The following PDE4A variants were observed in gnomAD, a reference collection of about 807,000 sequenced individuals.
The protein encoded by PDE4A is phosphodiesterase 4A.
Under a neutral mutation model 73.9 loss-of-function variants are expected in PDE4A, and 21 were observed. The observed-to-expected ratio is 0.28, with a 90% CI of 0.20 to 0.41. PDE4A has a LOEUF of 0.41. Among genes scored for constraint, PDE4A ranks in the 10% least tolerant of loss-of-function variants. The probability of loss-of-function intolerance (pLI) is 1.00; values close to 1 mark genes in which losing one functional copy is unlikely to be tolerated. For missense variants in PDE4A, 958 were observed against 1,211.4 expected (o/e 0.79, Z 3.10); for synonymous variants, 463 against 505.4 (o/e 0.92, Z 1.13).
At position 10,457,942 on chromosome 19, in the gene PDE4A, C is replaced by G. The variant is rs779771039; in HGVS notation, c.941C>G (p.Pro314Arg). The G allele has an allele frequency of 1.2e-6, 2 of 1,613,344 alleles. No homozygotes were observed. Among genetic ancestry groups the G allele is most frequent in the Admixed American group, 3.3e-5 (2 of 60,024 alleles). ...TMKEREKQQA[P>R]RPRPSQPPPP... ...AAGGAACGAGAAAAACAGCAAGCGCCGCGACCAAGACCCTCCCAGCCGCCC... is the reference window on the plus strand; with the variant it reads ...AAGGAACGAGAAAAACAGCAAGCGCGGCGACCAAGACCCTCCCAGCCGCCC... Residue 314 changes from proline (P) to arginine (R), a missense_variant, in exon 8 of 15, where the codon CCG (proline) becomes CGG (arginine). This residue lies in a region of PDE4A where 570 missense variants were observed against 827.7 expected (regional missense o/e 0.69). Transcript: ENST00000380702.
intron 1 of PDE4A, among the ~76,000 whole-genome samples, chr19:10,426,704 C>T (rs1164213325): frequency 2.0e-5 from 3 of 151,696 alleles, no homozygotes; most frequent in African/African-American, 7.3e-5. Flanking sequence ...AAAACCCTGT[C>T]TCTACTAAAA....
rs1388374900 is a variant in PDE4A at position 10,424,965 on chromosome 19, T to A, written c.320+3881T>A. 6.6e-6 allele frequency among the ~76,000 whole-genome samples: 1 copy of A among 152,140 alleles called. No individual in the cohort carries two copies. The highest frequency in any genetic ancestry group is 1.5e-5 in the Non-Finnish European group (1 of 68,008). On this transcript the variant is annotated intron_variant, in intron 1 of 14. Transcript: ENST00000380702. This position sits in a 1 kb window ranked among gnomAD's most constrained non-coding sequence, Gnocchi z 4.8. ...ATCTCGGCCAGGCGCGGTGGCTCTG[T>A]AATCTGAGCACTTTGGGAGACCGAG...
intron 13 of PDE4A, among the ~76,000 whole-genome samples, chr19:10,462,314 C>T (rs1177370663): frequency 1.3e-5 from 2 of 151,986 alleles, no homozygotes; most frequent in Admixed American, 1.3e-4. Context: ...GCCACCATGC[C>T]CAGCTAATTT....
At chr19:10,451,102 G>A (rs1308105386) in intron 6 of PDE4A, among the ~76,000 whole-genome samples, 161 bp downstream of exon 6, 1 of 152,140 alleles carries the variant, frequency 6.6e-6, no homozygotes, top group Non-Finnish European at 1.5e-5. Flanking sequence ...GGCTGATTAG[G>A]GCAGGGCCAA....
intron 1 of PDE4A, among the ~76,000 whole-genome samples, chr19:10,442,215 G>C (rs943410755): frequency 1.3e-5 from 2 of 152,004 alleles, no homozygotes; most frequent in Non-Finnish European, 2.9e-5. Context: ...TACTGGAATG[G>C]TCTCTCTACT....
intron 1 of PDE4A, chr19:10,432,702 C>A: frequency 1.2e-6 from 1 of 818,208 alleles, no homozygotes. Context: ...TGGGGCCCCA[C>A]CCCCTTTCCT....
At chr19:10,438,057 C>T (rs1355464400) in intron 1 of PDE4A, among the ~76,000 whole-genome samples, 8 of 151,722 alleles carry the variant, frequency 5.3e-5, no homozygotes, top group African/African-American at 9.7e-5. Flanking sequence ...AATCCTCCCG[C>T]GTGGGCCTCC....
intron 4 of PDE4A, among the ~76,000 whole-genome samples, chr19:10,449,907 G>A (rs964380642): frequency 6.6e-6 from 1 of 151,114 alleles, no homozygotes; most frequent in Non-Finnish European, 1.5e-5. Context: ...CAGCCCAGGG[G>A]AAACAAAATG....
At position 10,453,432 on chromosome 19, in the gene PDE4A, G is replaced by A. The variant is rs938029846; in HGVS notation, c.784-1397G>A. On this transcript the variant is annotated intron_variant, in intron 6 of 14. Transcript: ENST00000380702. The surrounding 1 kb of genome is among the most constrained non-coding windows in gnomAD (Gnocchi z 4.6). ...TGCACGTGTGTGGCCTGGAGATGAA[G>A]CCTTGTGACTGTCTCTGTGTGTGGC... The A allele has an allele frequency of 1.7e-5, 22 of 1,318,584 alleles. No individual in the cohort carries two copies. The highest frequency in any genetic ancestry group is 2.5e-4 in the Middle Eastern group (1 of 4,062). 81.7% of individuals were successfully genotyped at this position (1,318,584 alleles called of 1,614,324 possible). A position where few individuals can be genotyped will look rare whatever the true frequency, so the allele number is the denominator to read the frequency against.
Position 10,446,395 on chromosome 19 carries a change from G to A in PDE4A, c.498G>A (p.Ser166=), listed in dbSNP as rs202159530. 4 of 1,606,228 alleles carry A rather than the reference G, an allele frequency of 2.5e-6. No homozygotes were observed. Among genetic ancestry groups the A allele is most frequent in the Non-Finnish European group, 2.6e-6 (3 of 1,173,680 alleles). ...CCAAGACCATGTCCCGGAACTCATC[G>A]GTCACCAGCGAGGCGTGAGCATCCT... The part of the protein sequence containing the change: ...MSPKTMSRNS[S]VTSEAHAEDL... The change falls in exon 2 of 15, where the codon TCG becomes TCA. Residue 166 remains serine (S), a synonymous_variant. Transcript: ENST00000380702.
Position 10,428,858 on chromosome 19 carries a change from C to T in PDE4A, c.320+7774C>T, listed in dbSNP as rs184452956. 106 of 985,360 alleles carry T rather than the reference C, an allele frequency of 1.1e-4. No individual in the cohort carries two copies. The Admixed American group carries it at 3.0e-3, about 28-fold the overall frequency. 61.0% of individuals were successfully genotyped at this position (985,360 alleles called of 1,614,324 possible). On this transcript the variant is annotated intron_variant, in intron 1 of 14. Coordinates refer to ENST00000380702, the MANE Select transcript of PDE4A (RefSeq NM_001111307.2). ...TCGAAAATAGAGATTCACTGTTGGG[C>T]GCAGTGGCTCACACGGGTGGATCAC...
rs550595810 is a variant in PDE4A at position 10,451,217 on chromosome 19, C to A, written c.783+276C>A. 2.6e-5 allele frequency among the ~76,000 whole-genome samples: 4 copies of A among 151,576 alleles called. No individual in the cohort carries two copies. The South Asian group carries it at 8.4e-4, about 32-fold the overall frequency. ...TTGGGCGTGGCTCATGAGGGTGGGGCCAATCTCTGGGTAGGGTCTATGGTA... is the reference window on the plus strand; with the variant it reads ...TTGGGCGTGGCTCATGAGGGTGGGGACAATCTCTGGGTAGGGTCTATGGTA... On this transcript the variant is annotated intron_variant, in intron 6 of 14. Coordinates refer to ENST00000380702, the MANE Select transcript of PDE4A (RefSeq NM_001111307.2).
upstream of PDE4A, chr19:10,416,790 G>A: frequency 2.6e-6 from 4 of 1,516,202 alleles, no homozygotes; most frequent in South Asian, 3.7e-5. Context: ...CCCCAGGAGA[G>A]GCAATAGGCA....
At chr19:10,427,948 T>C (rs2145458885) in intron 1 of PDE4A, 2 of 560,350 alleles carry the variant, frequency 3.6e-6, no homozygotes, top group South Asian at 1.6e-4. Context: ...TGAGCCAATA[T>C]CATGTCACTT....
upstream of PDE4A, chr19:10,417,165 C>T: frequency 1.0e-6 from 1 of 983,168 alleles, no homozygotes; most frequent in Non-Finnish European, 1.2e-6. Context: ...TCCTGCTGCC[C>T]TAAGAGGCTC....
chr19:10,438,753 T>C (rs975394017), intron 1 of PDE4A, among the ~76,000 whole-genome samples: 1 of 152,086 alleles, frequency 6.6e-6, no homozygotes, highest in African/African-American at 2.4e-5. Context: ...ATTACAGGCA[T>C]GTGCCACCAC....
chr19:10,467,459 C>A lies in PDE4A; in HGVS notation c.2499C>A (p.Ala833=). 6.2e-7 allele frequency: 1 copy of A among 1,613,064 alleles called. No individual in the cohort carries two copies. The highest frequency in any genetic ancestry group is 8.5e-7 in the Non-Finnish European group (1 of 1,179,718). The part of the protein sequence containing the change: ...AWRTLSVSEH[A]PGLPGLPSTA... Reference sequence around the variant, plus strand: ...GGACCCTGTCTGTTTCAGAGCATGCCCCGGGCCTCCCGGGCCTCCCCTCCA... The same window carrying A: ...GGACCCTGTCTGTTTCAGAGCATGCACCGGGCCTCCCGGGCCTCCCCTCCA... Residue 833 remains alanine, a synonymous_variant, in exon 15 of 15, where the codon GCC becomes GCA. Transcript: ENST00000380702.
chr19:10,452,035 G>T (rs2043099134), intron 6 of PDE4A, among the ~76,000 whole-genome samples: 1 of 151,368 alleles, frequency 6.6e-6, no homozygotes, highest in Non-Finnish European at 1.5e-5. Context: ...GTGTGTGTGT[G>T]TGTGTGTGTG....
In PDE4A at chr19:10,444,933, A is replaced by G. The variant is rs201798688; in HGVS notation, c.321-1285A>G. Among the ~76,000 whole-genome samples the G allele has an allele frequency of 2.6e-5, 4 of 152,250 alleles. No individual in the cohort carries two copies. In the East Asian group the frequency reaches 7.7e-4, roughly 29 times the overall value. On this transcript the variant is annotated intron_variant, in intron 1 of 14. Coordinates refer to ENST00000380702, the MANE Select transcript of PDE4A (RefSeq NM_001111307.2). ...AGTGATCTGCCCACCTTGGCCTCCC[A>G]AAGTGCTGGGATTACAGGCATGAGC...
Sources: allele counts gnomAD v4.1 joint callset (sites outside exome capture counted in the v4.1 genomes callset), GRCh38; gene constraint gnomAD v4.1.1; regional missense constraint gnomAD v4.1.1; non-coding constraint Gnocchi (gnomAD v3.1); transcripts MANE v1.5; gene names NCBI Gene and HGNC (gene_info 2026-07-23, HGNC 2026-07-21).